The following KCNMA1 variants were observed in gnomAD, a reference collection of about 807,000 sequenced individuals.
KCNMA1 encodes the protein potassium calcium-activated channel subfamily M alpha 1.
A neutral mutation model predicts 140.0 loss-of-function variants in KCNMA1; 29 were observed. The observed-to-expected ratio is 0.21, with a 90% CI of 0.15 to 0.28. KCNMA1 has a LOEUF of 0.28. KCNMA1 is among the 10% of genes least tolerant of loss of function. The pLI is 1.00. For missense variants in KCNMA1, 880 were observed against 1,602.2 expected (o/e 0.55, Z 7.70); for synonymous variants, 612 against 611.9 (o/e 1.00, Z 0.00).
intron 6 of KCNMA1, among the ~76,000 whole-genome samples, chr10:77,118,217 G>A (rs2574786): frequency 4.6e-5 from 7 of 152,132 alleles, no homozygotes; most frequent in East Asian, 1.9e-4. Context: ...TGGAAGGACC[G>A]CTATGAAAGC....
At position 76,935,484 on chromosome 10, in the gene KCNMA1, G is replaced by A. The variant is rs192244066; in HGVS notation, c.2902+9289C>T. On this transcript the variant is annotated intron_variant, in intron 23 of 27. Coordinates refer to ENST00000286628, the MANE Select transcript of KCNMA1 (RefSeq NM_001161352.2). Reference sequence around the variant, plus strand: ...CCCTTGACTAGCTATAAGGCTATGGGAAAGGTACCTAATTCCCCTGAATCT... The same window carrying A: ...CCCTTGACTAGCTATAAGGCTATGGAAAAGGTACCTAATTCCCCTGAATCT... 6.3e-4 allele frequency among the ~76,000 whole-genome samples: 96 copies of A among 152,336 alleles called. 1 individual carries two copies. Among genetic ancestry groups the A allele is most frequent in the Admixed American group, 7.8e-4 (12 of 15,308 alleles).
intron 2 of KCNMA1, among the ~76,000 whole-genome samples, chr10:77,344,599 G>A (rs928062720): frequency 6.6e-5 from 10 of 150,796 alleles, no homozygotes; most frequent in African/African-American, 2.4e-4. Context: ...TTTTTTTTGG[G>A]TAAATTCCAA....
intron 16 of KCNMA1, among the ~76,000 whole-genome samples, chr10:77,025,989 G>GA (rs141656183): frequency 0.12 from 15,975 of 131,580 alleles, 1,167 homozygotes; most frequent in African/African-American, 0.23. Context: ...CTTTTCTGAA[G>GA]AAAAAAAAAA....
chr10:77,259,831 T>C (rs938474491), intron 2 of KCNMA1, among the ~76,000 whole-genome samples: 1 of 152,232 alleles, frequency 6.6e-6, no homozygotes, highest in Non-Finnish European at 1.5e-5. Flanking sequence ...TCAATTGCTC[T>C]CCTCTTTCCT....
chr10:77,032,362 T>A (rs747103471), intron 15 of KCNMA1, among the ~76,000 whole-genome samples: 1 of 152,066 alleles, frequency 6.6e-6, no homozygotes, highest in Non-Finnish European at 1.5e-5. Context: ...TGTTTCAACA[T>A]ATACAGAATT....
chr10:77,319,914 C>A (rs541386370), intron 2 of KCNMA1, among the ~76,000 whole-genome samples: 1 of 152,206 alleles, frequency 6.6e-6, no homozygotes, highest in Non-Finnish European at 1.5e-5. Flanking sequence ...TTGTGTTATG[C>A]CACTGTGGGG....
chr10:77,043,974 T>G lies in KCNMA1; in HGVS notation c.1750-4337A>C, dbSNP rs1594617134. Among the ~76,000 whole-genome samples, 4 of 152,194 alleles carry G rather than the reference T, an allele frequency of 2.6e-5. No individual in the cohort carries two copies. The East Asian group carries it at 5.8e-4, about 22-fold the overall frequency. On this transcript the variant is annotated intron_variant, in intron 14 of 27. Coordinates refer to ENST00000286628, the MANE Select transcript of KCNMA1 (RefSeq NM_001161352.2). ...ACTGAACTACATGCTTAAAAATGATTAAGATAGTAAATTTTGTATGTGTAT... is the reference window on the plus strand; with the variant it reads ...ACTGAACTACATGCTTAAAAATGATGAAGATAGTAAATTTTGTATGTGTAT...
chr10:77,265,667 C>T (rs533624766), intron 2 of KCNMA1, among the ~76,000 whole-genome samples: 1 of 152,242 alleles, frequency 6.6e-6, no homozygotes, highest in East Asian at 1.9e-4. Flanking sequence ...CTGGACAATG[C>T]CAGCAAGGTG....
chr10:76,898,005 A>T (rs1285474051), intron 25 of KCNMA1, among the ~76,000 whole-genome samples: 1 of 151,898 alleles, frequency 6.6e-6, no homozygotes, highest in Non-Finnish European at 1.5e-5. Flanking sequence ...GAAAATAAGC[A>T]TACAAAATAT....
chr10:77,288,495 T>C (rs773757737), intron 2 of KCNMA1, among the ~76,000 whole-genome samples: 2 of 152,232 alleles, frequency 1.3e-5, no homozygotes, highest in Non-Finnish European at 2.9e-5. Context: ...AAGGCTGGTA[T>C]CTGTCAGTAG....
chr10:77,059,919 C>A (rs2153664149), intron 14 of KCNMA1, among the ~76,000 whole-genome samples: 1 of 152,218 alleles, frequency 6.6e-6, no homozygotes, highest in East Asian at 1.9e-4. Context: ...TTTCTACATA[C>A]CACCAATGAA....
In KCNMA1 at chr10:77,370,878, G is replaced by C. The variant is rs146990074; in HGVS notation, c.540+32984C>G. Among the ~76,000 whole-genome samples the C allele has an allele frequency of 5.2e-3, 791 of 152,276 alleles. 10 individuals are homozygous for C. Among genetic ancestry groups the C allele is most frequent in the Middle Eastern group, 0.027 (8 of 294 alleles). ...GCCCTCTACTTCACAGGGTTGTTTG[G>C]AGAATTACTGAAAATGTGCACAAAA... On this transcript the variant is annotated intron_variant, in intron 2 of 27. Transcript: ENST00000286628.
chr10:77,179,319 G>A (rs1187779792), intron 5 of KCNMA1, among the ~76,000 whole-genome samples: 2 of 152,152 alleles, frequency 1.3e-5, no homozygotes, highest in South Asian at 2.1e-4. Flanking sequence ...TATCCGGGGT[G>A]TTCTTAAGCC....
chr10:77,009,685 C>T (rs2090219417), intron 18 of KCNMA1, among the ~76,000 whole-genome samples: 1 of 152,198 alleles, frequency 6.6e-6, no homozygotes, highest in Non-Finnish European at 1.5e-5. Context: ...TACCCTTTCC[C>T]CAGTGCCACT....
chr10:77,232,829 G>A (rs1228017618), intron 3 of KCNMA1, among the ~76,000 whole-genome samples: 2 of 150,794 alleles, frequency 1.3e-5, no homozygotes, highest in African/African-American at 4.9e-5. Flanking sequence ...TGAGTTAATT[G>A]ATGTGAAGAG....
At chr10:77,080,934 T>C (rs2096549248) in intron 12 of KCNMA1, among the ~76,000 whole-genome samples, 1 of 152,208 alleles carries the variant, frequency 6.6e-6, no homozygotes, top group Non-Finnish European at 1.5e-5. Flanking sequence ...GATCAAGGAC[T>C]CAGCCTTCCA....
intron 23 of KCNMA1, among the ~76,000 whole-genome samples, chr10:76,941,819 AT>A (rs1360634026): frequency 6.6e-6 from 1 of 152,200 alleles, no homozygotes; most frequent in African/African-American, 2.4e-5. Flanking sequence ...GACAACAGAT[AT>A]TTATTTCCCA....
chr10:77,559,789 T>A (rs1246988818), intron 1 of KCNMA1, among the ~76,000 whole-genome samples: 1 of 152,086 alleles, frequency 6.6e-6, no homozygotes, highest in South Asian at 2.1e-4. Flanking sequence ...CAACACAGAG[T>A]AGGGTGCCAC....
chr10:77,547,818 C>T (rs759230822), intron 1 of KCNMA1, among the ~76,000 whole-genome samples: 2 of 152,166 alleles, frequency 1.3e-5, no homozygotes, highest in Non-Finnish European at 2.9e-5. Flanking sequence ...AGTCAGCAAA[C>T]CAACAGCCTA....
Sources: allele counts gnomAD v4.1 joint callset (sites outside exome capture counted in the v4.1 genomes callset), GRCh38; gene constraint gnomAD v4.1.1; transcripts MANE v1.5; gene names NCBI Gene and HGNC (gene_info 2026-07-23, HGNC 2026-07-21).